GAS7: variants seen among roughly 807,000 people sequenced by gnomAD.
GAS7 encodes the protein growth arrest specific 7, also known as growth arrest-specific protein 7.
In GAS7, 28 loss-of-function variants were observed where a neutral mutation model predicts 71.1. The ratio of observed to expected loss-of-function variants is 0.39; its 90% CI spans 0.29 to 0.54. GAS7 has a LOEUF of 0.54. GAS7 is among the 20% of genes least tolerant of loss of function. The pLI is 0.62. For synonymous variants in GAS7, 258 were observed against 245.8 expected, an observed-to-expected ratio of 1.05 and a Z score of -0.46; for missense variants, 436 against 627.8, an observed-to-expected ratio of 0.69 and a Z score of 3.27.
intron 2 of GAS7, among the ~76,000 whole-genome samples, chr17:9,993,478 A>G (rs1010173463): frequency 8.5e-5 from 13 of 152,244 alleles, no homozygotes; most frequent in African/African-American, 2.9e-4. Context: ...AAAATTCAAC[A>G]ACCCTTCATG....
intron 4 of GAS7, among the ~76,000 whole-genome samples, chr17:9,961,038 G>C (rs374493044): frequency 1.9e-4 from 29 of 152,268 alleles, no homozygotes; most frequent in African/African-American, 6.3e-4. Flanking sequence ...TGCTGGGCCT[G>C]ATCCAGCAGG....
At chr17:10,054,965 TG>T (rs1209318879) in intron 1 of GAS7, among the ~76,000 whole-genome samples, 1 of 152,036 alleles carries the variant, frequency 6.6e-6, no homozygotes, top group Non-Finnish European at 1.5e-5. Context: ...GCCCATCAGC[TG>T]AGAAGGTTTG....
Position 10,088,256 on chromosome 17 carries a change from T to TAAA in GAS7, c.184-68362_184-68360dup, listed in dbSNP as rs56688998. On this transcript the variant is annotated intron_variant, in intron 1 of 13. Transcript: ENST00000432992. ...ATAATAATAATAATAATAATAATAA[T>TAAA]AAATATGTATATATGCATAAGGAGT... Among the ~76,000 whole-genome samples the TAAA allele has an allele frequency of 5.3e-3, 763 of 144,560 alleles. 8 individuals carry two copies. Among genetic ancestry groups the TAAA allele is most frequent in the African/African-American group, 0.018 (708 of 38,990 alleles). 94.8% of individuals were successfully genotyped at this position (144,560 alleles called of 152,430 possible). A position where few individuals can be genotyped will look rare whatever the true frequency, so the allele number is the denominator to read the frequency against.
intron 1 of GAS7, among the ~76,000 whole-genome samples, chr17:10,051,514 T>A (rs1176280838): frequency 1.3e-5 from 2 of 152,222 alleles, no homozygotes; most frequent in African/African-American, 4.8e-5. Flanking sequence ...TCGCATGGAC[T>A]GTCCCCTAAA....
chr17:9,961,438 T>C (rs1459341373), intron 4 of GAS7, among the ~76,000 whole-genome samples: 1 of 152,176 alleles, frequency 6.6e-6, no homozygotes, highest in Non-Finnish European at 1.5e-5. Flanking sequence ...GAGTAGCCTA[T>C]GGGATGGATT....
chr17:10,061,120 T>A (rs1022798549), intron 1 of GAS7: 1 of 152,334 alleles, frequency 6.6e-6, no homozygotes, highest in Non-Finnish European at 1.5e-5. Flanking sequence ...CAAAACTGAC[T>A]GTGCCAATCT....
intron 2 of GAS7, among the ~76,000 whole-genome samples, chr17:9,982,833 G>GAA (rs2070471908): frequency 1.7e-5 from 2 of 117,266 alleles, no homozygotes; most frequent in Non-Finnish European, 4.0e-5. Flanking sequence ...AGGAAAGAAA[G>GAA]AAAGAAAGAA....
chr17:9,934,555 G>A (rs993337504), intron 8 of GAS7, among the ~76,000 whole-genome samples: 19 of 152,102 alleles, frequency 1.2e-4, no homozygotes, highest in African/African-American at 3.4e-4. Context: ...GGAAGGTGCC[G>A]GAAGCAGGTG....
At position 9,916,145 on chromosome 17, in the gene GAS7, G is replaced by C. The variant is rs1597432735; in HGVS notation, c.*1083C>G. 4.3e-6 allele frequency: 1 copy of C among 233,122 alleles called. No individual in the cohort carries two copies. Among genetic ancestry groups the C allele is most frequent in the East Asian group, 6.0e-5 (1 of 16,548 alleles). 14.4% of individuals were successfully genotyped at this position (233,122 alleles called of 1,614,324 possible). A position where few individuals can be genotyped will look rare whatever the true frequency, so the allele number is the denominator to read the frequency against. ...ACCAGTGACAGAAAACTGTACAAGG[G>C]ACAGCAGTCCCAGCCCTGCCATACA... On this transcript the variant is annotated 3_prime_UTR_variant, in exon 14 of 14. Coordinates refer to ENST00000432992, the MANE Select transcript of GAS7 (RefSeq NM_201433.2).
At chr17:10,009,216 G>A (rs909917164) in intron 2 of GAS7, among the ~76,000 whole-genome samples, 5 of 150,082 alleles carry the variant, frequency 3.3e-5, no homozygotes, top group African/African-American at 4.9e-5. Flanking sequence ...AGCTACTTGG[G>A]AGGCTGAGGC....
At chr17:10,097,203 A>G (rs1281484158) in intron 1 of GAS7, among the ~76,000 whole-genome samples, 11 of 152,078 alleles carry the variant, frequency 7.2e-5, no homozygotes, top group Admixed American at 6.6e-4. Flanking sequence ...TTCTGAATAC[A>G]TTTACTACAG....
chr17:10,196,139 C>T (rs539904091), intron 1 of GAS7, among the ~76,000 whole-genome samples: 42 of 152,278 alleles, frequency 2.8e-4, no homozygotes, highest in African/African-American at 9.1e-4. Flanking sequence ...CCCTTTTCCC[C>T]ATGGATCCAG....
Position 10,061,979 on chromosome 17 carries a change from C to T in GAS7, c.184-42082G>A, listed in dbSNP as rs78226128. ...AACACTCAACAATGCACAGGACCGC[C>T]GCCCACAACAAAACAACCATCCAAC... On this transcript the variant is annotated intron_variant, in intron 1 of 13. Transcript: ENST00000432992. Among the ~76,000 whole-genome samples, 922 of 152,248 alleles carry T rather than the reference C, an allele frequency of 6.1e-3. 13 individuals carry two copies. The highest frequency in any genetic ancestry group is 0.021 in the African/African-American group (863 of 41,528).
intron 2 of GAS7, among the ~76,000 whole-genome samples, chr17:9,983,105 T>C (rs1290649875): frequency 1.0e-5 from 1 of 95,544 alleles, no homozygotes; most frequent in Admixed American, 9.5e-5. Context: ...GGTATCCATA[T>C]GTTGATTTGT....
At chr17:9,928,968 C>T (rs780309181) in intron 9 of GAS7, among the ~76,000 whole-genome samples, 9 of 152,350 alleles carry the variant, frequency 5.9e-5, no homozygotes, top group Non-Finnish European at 8.8e-5. Context: ...CTCTCCTCCT[C>T]GTGTTAGTTG....
In GAS7 at chr17:9,926,824, G is replaced by A; in HGVS notation, c.886-55C>T. On this transcript the variant is annotated intron_variant, in intron 9 of 13. Transcript: ENST00000432992. The surrounding 1 kb of genome is among the most constrained non-coding windows in gnomAD (Gnocchi z 5.0). ...GACCCAGGGCATCAGCTGTAAGCCA[G>A]TGCAGGGAGGAGGGATGGGAGGGGC... 4 of 1,599,350 alleles carry A rather than the reference G, an allele frequency of 2.5e-6. No individual in the cohort carries two copies. Among genetic ancestry groups the A allele is most frequent in the Non-Finnish European group, 3.4e-6 (4 of 1,167,068 alleles).
At chr17:9,924,861 A>G (rs939544493) in intron 11 of GAS7, 2 of 152,184 alleles carry the variant, frequency 1.3e-5, no homozygotes, top group Admixed American at 6.5e-5. Flanking sequence ...CGAGGTTTTC[A>G]CTGGTTCTAC....
intron 3 of GAS7, among the ~76,000 whole-genome samples, chr17:9,979,773 T>C (rs2070342202): frequency 6.6e-6 from 1 of 151,846 alleles, no homozygotes; most frequent in African/African-American, 2.4e-5. Context: ...AAAAGACAGC[T>C]GGGTTACCTT....
At chr17:10,079,378 T>C (rs1490008155) in intron 1 of GAS7, among the ~76,000 whole-genome samples, 7 of 152,216 alleles carry the variant, frequency 4.6e-5, no homozygotes, top group African/African-American at 1.7e-4. Flanking sequence ...GTTCAGATCA[T>C]GAAGGGAAAT....
Sources: allele counts gnomAD v4.1 joint callset (sites outside exome capture counted in the v4.1 genomes callset), GRCh38; gene constraint gnomAD v4.1.1; non-coding constraint Gnocchi (gnomAD v3.1); transcripts MANE v1.5; gene names NCBI Gene and HGNC (gene_info 2026-07-23, HGNC 2026-07-21).